USH2A: variants seen among roughly 807,000 people sequenced by gnomAD.
The protein encoded by USH2A is Usher syndrome 2A (autosomal recessive, mild).
A neutral mutation model predicts 538.9 loss-of-function variants in USH2A; 443 were observed. That is an observed-to-expected ratio of 0.82 (90% CI 0.76 to 0.89). The LOEUF (loss-of-function observed/expected upper bound fraction) is 0.89, where lower values mean the gene tolerates loss of function less well. Ranked by LOEUF, USH2A falls within the 40% of genes least tolerant of loss-of-function variation. The pLI is 0.00. For synonymous variants in USH2A, 2,413 were observed against 2,273.5 expected (o/e 1.06, Z -1.75); for missense variants, 6,633 against 6,324.8 (o/e 1.05, Z -1.65).
At chr1:215,760,086 G>A (rs975630701) in intron 56 of USH2A, among the ~76,000 whole-genome samples, 2 of 152,164 alleles carry the variant, frequency 1.3e-5, no homozygotes, top group African/African-American at 4.8e-5. Context: ...CTCTGCCTTG[G>A]TTGTCACTCT....
chr1:215,759,564 C>T, intron 57 of USH2A, 96 bp downstream of exon 57: 2 of 1,480,772 alleles, frequency 1.4e-6, no homozygotes, highest in Non-Finnish European at 1.9e-6. Flanking sequence ...GTTAATTAAA[C>T]AATTTAACAA....
chr1:216,147,255 A>G (rs1418463259), intron 21 of USH2A, among the ~76,000 whole-genome samples: 1 of 151,906 alleles, frequency 6.6e-6, no homozygotes, highest in East Asian at 1.9e-4. Flanking sequence ...CTAGGTCCCA[A>G]TTCTTCCTCA....
At position 215,655,725 on chromosome 1, in the gene USH2A, C is replaced by CTTTTTTTTTTTTT. The variant is rs766225635; in HGVS notation, c.14134-4937_14134-4925dup. ...TGCTTCTGTTACTGTGCTAGTTATT[C>CTTTTTTTTTTTTT]TTTTTTTTTTTTTTTTTTTTTTTTC... On this transcript the variant is annotated intron_variant, in intron 64 of 71. Coordinates refer to ENST00000307340, the MANE Select transcript of USH2A (RefSeq NM_206933.4). 5.7e-4 allele frequency among the ~76,000 whole-genome samples: 55 copies of CTTTTTTTTTTTTT among 96,190 alleles called. 1 individual carries two copies. The South Asian group carries it at 5.9e-3, about 10-fold the overall frequency. The allele number at this position is 96,190 out of a possible 152,430, so 63.1% of individuals were successfully genotyped here. A position where few individuals can be genotyped will look rare whatever the true frequency, so the allele number is the denominator to read the frequency against.
chr1:215,672,637 C>T (rs1205334601), intron 63 of USH2A, among the ~76,000 whole-genome samples: 2 of 152,180 alleles, frequency 1.3e-5, no homozygotes, highest in African/African-American at 4.8e-5. Context: ...TTAGGACTTT[C>T]CCAGACTATT....
At position 215,674,536 on chromosome 1, in the gene USH2A, AT is replaced by A. The variant is rs727503715; in HGVS notation, c.13374del (p.Glu4458AspfsTer3). 3.8e-5 allele frequency: 61 copies of A among 1,613,910 alleles called. No individual in the cohort carries two copies. The highest frequency in any genetic ancestry group is 5.1e-5 in the Non-Finnish European group (60 of 1,180,012). ...DSPTLQVTGS[E>X]SIEITWKPPR... is the part of the protein sequence containing the mutation. ...GGAGGTTTCCAGGTGATTTCTATTG[AT>A]TCTGAGCCTGTGACTTGCAATGTTG... On this transcript the variant is annotated frameshift_variant, in exon 63 of 72. Coordinates refer to ENST00000307340, the MANE Select transcript of USH2A (RefSeq NM_206933.4). LOFTEE classifies it high-confidence loss of function.
At chr1:215,961,820 G>T (rs970190706) in intron 37 of USH2A, among the ~76,000 whole-genome samples, 2 of 151,634 alleles carry the variant, frequency 1.3e-5, no homozygotes, top group African/African-American at 4.8e-5. Flanking sequence ...AAGAAAATAA[G>T]GTTTGACCCA....
At chr1:215,854,970 G>A (rs1189747575) in intron 44 of USH2A, among the ~76,000 whole-genome samples, 1 of 152,178 alleles carries the variant, frequency 6.6e-6, no homozygotes, top group East Asian at 1.9e-4. Context: ...ATCTATGTCT[G>A]CAGTTCAATT....
intron 3 of USH2A, among the ~76,000 whole-genome samples, chr1:216,392,124 A>T (rs1235029205): frequency 6.6e-6 from 1 of 152,218 alleles, no homozygotes; most frequent in African/African-American, 2.4e-5. Context: ...CAGAGTTTAT[A>T]GTCCAAAGAC....
At chr1:216,358,684 A>C (rs2038435350) in intron 4 of USH2A, among the ~76,000 whole-genome samples, 2 of 152,258 alleles carry the variant, frequency 1.3e-5, no homozygotes, top group East Asian at 1.9e-4. Flanking sequence ...AAAGATAAAA[A>C]TTATTTAAAA....
chr1:216,200,075 A>C lies in USH2A; in HGVS notation c.3363T>G (p.Tyr1121Ter). ...CATTGGTGGTCTCAATGTAATAGGA[A>C]TATTTGGTATATGGTAACAGGTCTG... is the stretch of plus-strand genomic sequence containing the variant. ...LDTDLLPYTKYSYYIETTNVH... is the reference protein window; with the variant it reads ...LDTDLLPYTK The change falls in exon 17 of 72, where the codon TAT becomes TAG. Residue 1121 changes from tyrosine (Y) to a stop codon, truncating the protein, a stop_gained. Coordinates refer to ENST00000307340, the MANE Select transcript of USH2A (RefSeq NM_206933.4). LOFTEE classifies it high-confidence loss of function. 6.2e-7 allele frequency: 1 copy of C among 1,613,812 alleles called. No individual in the cohort carries two copies. The highest frequency in any genetic ancestry group is 8.5e-7 in the Non-Finnish European group (1 of 1,179,916).
chr1:216,133,647 C>G (rs559149340), intron 21 of USH2A, among the ~76,000 whole-genome samples: 1 of 152,112 alleles, frequency 6.6e-6, no homozygotes, highest in Admixed American at 6.6e-5. Flanking sequence ...ATATTTATTC[C>G]CTATTTAATG....
intron 69 of USH2A, among the ~76,000 whole-genome samples, chr1:215,635,571 T>TTTATTTATTTA (rs1558031972): frequency 1.7e-4 from 9 of 52,760 alleles, no homozygotes; most frequent in Middle Eastern, 0.014. Flanking sequence ...TTATTTATTT[T>TTTATTTATTTA]TTGAGATGGA....
intron 3 of USH2A, among the ~76,000 whole-genome samples, chr1:216,394,807 C>G (rs934113711): frequency 2.7e-5 from 4 of 149,220 alleles, no homozygotes; most frequent in Non-Finnish European, 5.9e-5. Context: ...CAAGCTCCGC[C>G]TCCCGGGTTC....
chr1:216,277,402 A>C (rs2036691002), intron 11 of USH2A, among the ~76,000 whole-genome samples: 1 of 152,064 alleles, frequency 6.6e-6, no homozygotes, highest in Non-Finnish European at 1.5e-5. Flanking sequence ...ATGTGCTTTC[A>C]CAGGTGCATC....
At chr1:216,401,700 T>A (rs558317864) in intron 3 of USH2A, among the ~76,000 whole-genome samples, 2 of 152,162 alleles carry the variant, frequency 1.3e-5, no homozygotes, top group East Asian at 3.9e-4. Flanking sequence ...ATCTAGAGGT[T>A]AAGAGGGACA....
intron 58 of USH2A, among the ~76,000 whole-genome samples, chr1:215,752,669 C>A (rs1259524865): frequency 6.6e-6 from 1 of 152,156 alleles, no homozygotes; most frequent in Admixed American, 6.5e-5. Flanking sequence ...CCTTCAGGGG[C>A]TCACCACTTC....
At chr1:216,122,354 T>C (rs1223122188) in intron 21 of USH2A, among the ~76,000 whole-genome samples, 1 of 152,090 alleles carries the variant, frequency 6.6e-6, no homozygotes, top group East Asian at 1.9e-4. Flanking sequence ...GGGATAGAGC[T>C]GGAATAGAGA....
intron 38 of USH2A, among the ~76,000 whole-genome samples, chr1:215,933,375 A>G (rs2102498435): frequency 6.6e-6 from 1 of 152,078 alleles, no homozygotes; most frequent in Non-Finnish European, 1.5e-5. Context: ...TCTAAATTCA[A>G]TTCCCTTTTA....
intron 62 of USH2A, among the ~76,000 whole-genome samples, chr1:215,679,410 C>T (rs112542695): frequency 9.7e-4 from 147 of 152,188 alleles, no homozygotes; most frequent in African/African-American, 3.4e-3. Context: ...TTGATGAGGG[C>T]CTAAGAGATG....
Sources: gnomAD v4.1 joint callset for allele counts (sites outside exome capture counted in the v4.1 genomes callset) on GRCh38, gnomAD v4.1.1 for gene constraint, MANE v1.5 for transcripts, NCBI Gene and HGNC (gene_info 2026-07-23, HGNC 2026-07-21) for gene names.